The following ATRNL1 variants were observed in gnomAD, a reference collection of about 807,000 sequenced individuals.
ATRNL1 encodes the protein attractin-like protein 1.
Under a neutral mutation model 182.7 loss-of-function variants are expected in ATRNL1, and 95 were observed. The ratio of observed to expected loss-of-function variants is 0.52; its 90% CI spans 0.44 to 0.62. ATRNL1 has a LOEUF of 0.62. Ranked by LOEUF, ATRNL1 falls within the 20% of genes least tolerant of loss-of-function variation. The pLI is 0.00. For synonymous variants in ATRNL1, 576 were observed against 568.3 expected (o/e 1.01, Z -0.19); for missense variants, 1,471 against 1,679.5 (o/e 0.88, Z 2.17).
chr10:115,705,706 G>A (rs1196885245), intron 26 of ATRNL1, among the ~76,000 whole-genome samples: 1 of 151,834 alleles, frequency 6.6e-6, no homozygotes, highest in African/African-American at 2.4e-5. Flanking sequence ...TGTCCTATAA[G>A]ATTACTGTCT....
intron 5 of ATRNL1, among the ~76,000 whole-genome samples, chr10:115,153,488 T>G (rs1846346927): frequency 6.6e-6 from 1 of 152,314 alleles, no homozygotes; most frequent in East Asian, 1.9e-4. Flanking sequence ...GATTTTCTAG[T>G]TTATTTGCGT....
At chr10:115,944,305 A>G (rs1428867707) in intron 28 of ATRNL1, among the ~76,000 whole-genome samples, 4 of 134,686 alleles carry the variant, frequency 3.0e-5, no homozygotes, top group African/African-American at 8.2e-5. Flanking sequence ...AAAAAAAAAT[A>G]GTAACATTTA....
At chr10:115,692,967 C>T (rs1442273239) in intron 26 of ATRNL1, among the ~76,000 whole-genome samples, 1 of 152,024 alleles carries the variant, frequency 6.6e-6, no homozygotes, top group Non-Finnish European at 1.5e-5. Flanking sequence ...GGCAATATTG[C>T]TTCCAAGTTG....
intron 26 of ATRNL1, among the ~76,000 whole-genome samples, chr10:115,632,771 T>A (rs1858596374): frequency 6.6e-6 from 1 of 152,122 alleles, no homozygotes. Context: ...AAACACACAA[T>A]TTTTTGGTAA....
At chr10:115,100,430 T>G (rs1843727160) in intron 1 of ATRNL1, among the ~76,000 whole-genome samples, 1 of 152,220 alleles carries the variant, frequency 6.6e-6, no homozygotes, top group Non-Finnish European at 1.5e-5. Context: ...TTAAGTTAAT[T>G]TCTATATATG....
intron 10 of ATRNL1, among the ~76,000 whole-genome samples, chr10:115,257,078 G>A (rs934670569): frequency 6.6e-6 from 1 of 152,150 alleles, no homozygotes; most frequent in Admixed American, 6.5e-5. Context: ...GAATAAGTGC[G>A]ATGTGGTGCT....
At chr10:115,859,927 C>T (rs1415943727) in intron 28 of ATRNL1, among the ~76,000 whole-genome samples, 2 of 152,120 alleles carry the variant, frequency 1.3e-5, no homozygotes, top group Non-Finnish European at 2.9e-5. Context: ...AAGTTAATGG[C>T]CCTCTGAAAA....
intron 28 of ATRNL1, among the ~76,000 whole-genome samples, chr10:115,916,836 A>T (rs1373175793): frequency 6.6e-5 from 10 of 152,118 alleles, no homozygotes; most frequent in Admixed American, 5.9e-4. Context: ...AGTTATCTGT[A>T]TCCCACTTTG....
At chr10:115,942,112 CCTT>C (rs1555124439) in intron 28 of ATRNL1, among the ~76,000 whole-genome samples, 1 of 152,198 alleles carries the variant, frequency 6.6e-6, no homozygotes, top group Non-Finnish European at 1.5e-5. Context: ...ATAAATTTCT[CCTT>C]CTCCACAAAT....
At chr10:115,329,304 A>G (rs1855080284) in intron 18 of ATRNL1, among the ~76,000 whole-genome samples, 1 of 152,246 alleles carries the variant, frequency 6.6e-6, no homozygotes, top group South Asian at 2.1e-4. Context: ...TTTTCCTAAC[A>G]TATTAGCTAA....
At chr10:115,690,662 G>A (rs1946361774) in intron 26 of ATRNL1, among the ~76,000 whole-genome samples, 1 of 152,112 alleles carries the variant, frequency 6.6e-6, no homozygotes, top group Non-Finnish European at 1.5e-5. Flanking sequence ...TGTCAGTTGG[G>A]GCTCATGGGA....
intron 5 of ATRNL1, among the ~76,000 whole-genome samples, chr10:115,145,198 G>A (rs1537685): frequency 0.21 from 31,892 of 152,010 alleles, 4,286 homozygotes; most frequent in Non-Finnish European, 0.3. Context: ...CAAAATGTGT[G>A]GTGCAAGGGT....
chr10:115,286,708 A>G lies in ATRNL1; in HGVS notation c.2415+311A>G, dbSNP rs1272376583. The stretch of plus-strand genomic sequence containing the variant: ...CACTTGGTATAGTGTGGCAGAAACA[A>G]TTTTTGCTGAAAACTTTTCAGAGCA... On this transcript the variant is annotated intron_variant, in intron 15 of 28. Transcript: ENST00000355044. 2.6e-5 allele frequency among the ~76,000 whole-genome samples: 4 copies of G among 151,904 alleles called. No homozygotes were observed. In the East Asian group the frequency reaches 5.8e-4, roughly 22 times the overall value.
intron 13 of ATRNL1, among the ~76,000 whole-genome samples, chr10:115,274,293 T>A (rs1295760671): frequency 1.3e-5 from 2 of 152,170 alleles, no homozygotes; most frequent in East Asian, 3.9e-4. Flanking sequence ...TTTAGATCAC[T>A]TGGTAAATGG....
chr10:115,838,261 T>C (rs1228169527), intron 27 of ATRNL1, among the ~76,000 whole-genome samples: 1 of 152,200 alleles, frequency 6.6e-6, no homozygotes, highest in Non-Finnish European at 1.5e-5. Flanking sequence ...CAAAGGCTAC[T>C]CCGTCTACAA....
intron 13 of ATRNL1, among the ~76,000 whole-genome samples, chr10:115,275,362 G>A (rs1852057860): frequency 6.6e-6 from 1 of 152,172 alleles, no homozygotes; most frequent in Non-Finnish European, 1.5e-5. Flanking sequence ...TGTCAGTTTA[G>A]AACCAGCATC....
chr10:115,338,047 CT>C lies in ATRNL1; in HGVS notation c.3175+3633del, dbSNP rs199934779. ...AGGAGGCAGAGCTCTGGCCTGAATG[CT>C]TTTTCACCCGCTGATCACCTTCTGC... On this transcript the variant is annotated intron_variant, in intron 19 of 28. Coordinates refer to ENST00000355044, the MANE Select transcript of ATRNL1 (RefSeq NM_207303.4). 1.2e-3 allele frequency among the ~76,000 whole-genome samples: 180 copies of C among 151,912 alleles called. 2 individuals are homozygous for C. The East Asian group carries it at 0.033, about 28-fold the overall frequency.
intron 8 of ATRNL1, among the ~76,000 whole-genome samples, chr10:115,201,890 A>G (rs568696188): frequency 6.1e-4 from 93 of 152,166 alleles, no homozygotes; most frequent in African/African-American, 2.1e-3. Flanking sequence ...ATCTGTTTGT[A>G]TCCTCTTTTA....
intron 5 of ATRNL1, among the ~76,000 whole-genome samples, chr10:115,142,792 A>G (rs1003797372): frequency 2.0e-5 from 3 of 152,104 alleles, no homozygotes; most frequent in Non-Finnish European, 4.4e-5. Context: ...TGAATACTGA[A>G]TGTGATTTTA....
Sources: gnomAD v4.1 joint callset for allele counts (sites outside exome capture counted in the v4.1 genomes callset) on GRCh38, gnomAD v4.1.1 for gene constraint, MANE v1.5 for transcripts, NCBI Gene and HGNC (gene_info 2026-07-23, HGNC 2026-07-21) for gene names.